UGT1A8: variants seen among roughly 807,000 people sequenced by gnomAD.
The protein encoded by UGT1A8 is UDP glucuronosyltransferase family 1 member A8.
In UGT1A8, 39 loss-of-function variants were observed where a neutral mutation model predicts 45.3. The observed-to-expected ratio is 0.86, with a 90% CI of 0.67 to 1.12. The LOEUF (loss-of-function observed/expected upper bound fraction) is 1.12, where lower values mean the gene tolerates loss of function less well. Among genes scored for constraint, UGT1A8 ranks in the 50% most tolerant of loss-of-function variants. The pLI, the probability that UGT1A8 is intolerant of heterozygous loss-of-function variation, is 0.00. For synonymous variants in UGT1A8, 275 were observed against 249.2 expected (o/e 1.10, Z -0.97); for missense variants, 719 against 664.9 (o/e 1.08, Z -0.90).
intron 1 of UGT1A8, among the ~76,000 whole-genome samples, chr2:233,626,870 TA>T (rs2073093152): frequency 6.6e-6 from 1 of 152,106 alleles, no homozygotes. Context: ...AAAAGAATTT[TA>T]AAAGACAGTC....
chr2:233,645,258 C>A (rs1351583731), intron 1 of UGT1A8, among the ~76,000 whole-genome samples: 2 of 152,140 alleles, frequency 1.3e-5, no homozygotes, highest in Non-Finnish European at 2.9e-5. Context: ...AATTTTCCCA[C>A]CAGGATCCTC....
At position 233,714,761 on chromosome 2, in the gene UGT1A8, T is replaced by C. The variant is rs545127473; in HGVS notation, c.856-52273T>C. Among the ~76,000 whole-genome samples, 4 of 152,384 alleles carry C rather than the reference T, an allele frequency of 2.6e-5. No homozygotes were observed. The East Asian group carries it at 7.7e-4, about 29-fold the overall frequency. ...TCTAGCATATATTTGACACTTACAG[T>C]ATATCTCAATTTGGAATAGCCACAT... On this transcript the variant is annotated intron_variant, in intron 1 of 4. Coordinates refer to ENST00000373450, the MANE Select transcript of UGT1A8 (RefSeq NM_019076.5).
intron 1 of UGT1A8, among the ~76,000 whole-genome samples, chr2:233,627,661 CTTCCTTCCTTCCTTCCTTCT>C (rs2073112054): frequency 6.8e-6 from 1 of 147,060 alleles, no homozygotes; most frequent in African/African-American, 2.5e-5. Context: ...TCCTTCCTTC[CTTCCTTCCTTCCTTCCTTCT>C]TTCTTTCTTT....
chr2:233,636,511 T>G, intron 1 of UGT1A8: 1 of 1,607,278 alleles, frequency 6.2e-7, no homozygotes, highest in Non-Finnish European at 8.5e-7. Context: ...TGGCTCGGGC[T>G]GCAGTTCTCT....
At position 233,747,709 on chromosome 2, in the gene UGT1A8, C is replaced by G. The variant is rs1194057066; in HGVS notation, c.856-19325C>G. On this transcript the variant is annotated intron_variant, in intron 1 of 4. Transcript: ENST00000373450. ...GGGGCAGTGCTGGCTAAGTACCTAT[C>G]AATTCCTGCTGTGTTTTTTTTGAGG... 13 of 1,612,750 alleles carry G rather than the reference C, an allele frequency of 8.1e-6. No individual in the cohort carries two copies. The African/African-American group carries it at 1.5e-4, about 18-fold the overall frequency.
intron 1 of UGT1A8, among the ~76,000 whole-genome samples, chr2:233,714,561 T>C (rs938203514): frequency 6.6e-6 from 1 of 152,256 alleles, no homozygotes; most frequent in African/African-American, 2.4e-5. Flanking sequence ...AGAAATATCA[T>C]GTAAACCACA....
At position 233,661,601 on chromosome 2, in the gene UGT1A8, A is replaced by G. The variant is rs564049184; in HGVS notation, c.855+43039A>G. On this transcript the variant is annotated intron_variant, in intron 1 of 4. Coordinates refer to ENST00000373450, the MANE Select transcript of UGT1A8 (RefSeq NM_019076.5). Reference sequence around the variant, plus strand: ...GCAAGGTTTGAAGCCTGCTGGCATCACTGCAGTGAAGACTTACTGAATTTT... The same window carrying G: ...GCAAGGTTTGAAGCCTGCTGGCATCGCTGCAGTGAAGACTTACTGAATTTT... Among the ~76,000 whole-genome samples the G allele has an allele frequency of 4.2e-5, 6 of 142,238 alleles. No individual in the cohort carries two copies. The East Asian group carries it at 1.2e-3, about 28-fold the overall frequency. The allele number at this position is 142,238 out of a possible 152,430, so 93.3% of individuals were successfully genotyped here.
intron 1 of UGT1A8, among the ~76,000 whole-genome samples, chr2:233,724,264 C>G (rs1250827727): frequency 2.6e-5 from 3 of 116,548 alleles, no homozygotes; most frequent in Non-Finnish European, 3.6e-5. Context: ...ACCTCCCGGA[C>G]GGGGCGGCTG....
intron 1 of UGT1A8, among the ~76,000 whole-genome samples, chr2:233,622,402 G>A (rs1372574742): frequency 6.6e-6 from 1 of 152,134 alleles, no homozygotes; most frequent in Admixed American, 6.5e-5. Context: ...GTTCTTTCCT[G>A]AGTTTTTAAT....
intron 1 of UGT1A8, chr2:233,690,499 C>T (rs1559344256): frequency 7.8e-7 from 1 of 1,289,698 alleles, no homozygotes; most frequent in Non-Finnish European, 1.0e-6. Context: ...CTCTTGCCAA[C>T]AGAGATTTGT....
chr2:233,659,000 T>C (rs1444379871), intron 1 of UGT1A8, among the ~76,000 whole-genome samples: 6 of 152,238 alleles, frequency 3.9e-5, no homozygotes, highest in African/African-American at 1.4e-4. Context: ...GGGATTTTGG[T>C]TGAAATCATA....
At chr2:233,684,565 T>C (rs1023847969) in intron 1 of UGT1A8, among the ~76,000 whole-genome samples, 1 of 152,232 alleles carries the variant, frequency 6.6e-6, no homozygotes, top group South Asian at 2.1e-4. Flanking sequence ...GAGAGATCTA[T>C]AAAATATGAA....
At chr2:233,672,797 A>T in intron 1 of UGT1A8, 1 of 1,612,736 alleles carries the variant, frequency 6.2e-7, no homozygotes, top group Non-Finnish European at 8.5e-7. Context: ...ATGGTAAGTT[A>T]TCTCTCCTTT....
At chr2:233,678,683 CA>C (rs1053839810) in intron 1 of UGT1A8, among the ~76,000 whole-genome samples, 3 of 152,058 alleles carry the variant, frequency 2.0e-5, no homozygotes, top group African/African-American at 7.3e-5. Context: ...TGTGTAAGGC[CA>C]ATTTTTTTTC....
intron 1 of UGT1A8, chr2:233,690,662 C>T: frequency 7.8e-7 from 1 of 1,274,312 alleles, no homozygotes. Context: ...CAGCACCAAC[C>T]AGGGCAGGCC....
intron 1 of UGT1A8, among the ~76,000 whole-genome samples, chr2:233,660,479 C>T (rs2073940763): frequency 6.6e-6 from 1 of 152,128 alleles, no homozygotes. Context: ...TTTCTGATTT[C>T]AGAGACAAAG....
chr2:233,738,188 G>T (rs543563413), intron 1 of UGT1A8, among the ~76,000 whole-genome samples: 6 of 152,088 alleles, frequency 3.9e-5, no homozygotes, highest in Non-Finnish European at 8.8e-5. Flanking sequence ...ACGTGTCTTT[G>T]CCTCTCTCTC....
chr2:233,729,561 C>A (rs760200392), intron 1 of UGT1A8: 3 of 1,614,102 alleles, frequency 1.9e-6, no homozygotes, highest in Non-Finnish European at 2.5e-6. Flanking sequence ...ATGCTACTTC[C>A]TTTGATGTGG....
rs66915469 is a variant in UGT1A8, at chr2:233,672,660, T to G, written c.855+54098T>G. The G allele has an allele frequency of 7.9e-5, 127 of 1,613,950 alleles. 1 individual carries two copies. In the East Asian group the frequency reaches 1.9e-3, roughly 25 times the overall value. On this transcript the variant is annotated intron_variant, in intron 1 of 4. Transcript: ENST00000373450. ...TTCTCCAAACACCTGTTACGGAGTA[T>G]GATCTCTACAGCCACACATCAATTT... is the stretch of plus-strand genomic sequence containing the variant.
Sources: allele counts gnomAD v4.1 joint callset (sites outside exome capture counted in the v4.1 genomes callset), GRCh38; gene constraint gnomAD v4.1.1; transcripts MANE v1.5; gene names NCBI Gene and HGNC (gene_info 2026-07-23, HGNC 2026-07-21).